Variants in LRP6 observed in about 807,000 individuals in gnomAD.
LRP6 encodes LDL receptor related protein 6.
A neutral mutation model predicts 184.1 loss-of-function variants in LRP6; 43 were observed. The observed-to-expected ratio is 0.23, with a 90% CI of 0.18 to 0.30. The LOEUF is 0.30. Ranked by LOEUF, LRP6 falls within the 10% of genes least tolerant of loss-of-function variation. The probability of loss-of-function intolerance (pLI) is 1.00; values close to 1 mark genes in which losing one functional copy is unlikely to be tolerated. For synonymous variants in LRP6, 719 were observed against 684.9 expected (o/e 1.05, Z -0.78); for missense variants, 1,571 against 2,005.3 (o/e 0.78, Z 4.14).
At chr12:12,127,457 T>C (rs1276173582) in intron 19 of LRP6, among the ~76,000 whole-genome samples, 1 of 152,216 alleles carries the variant, frequency 6.6e-6, no homozygotes, top group Non-Finnish European at 1.5e-5. Context: ...GAATGAAAAC[T>C]GGAAGCTAAA....
At position 12,266,953 on chromosome 12, in the gene LRP6, T is replaced by A. The variant is rs1836917702; in HGVS notation, c.-218A>T. The A allele has an allele frequency of 3.6e-6, 2 of 558,496 alleles. No homozygotes were observed. The highest frequency in any genetic ancestry group is 4.4e-5 in the South Asian group (2 of 45,246). The allele number at this position is 558,496 out of a possible 1,614,324, so 34.6% of individuals were successfully genotyped here. A position where few individuals can be genotyped will look rare whatever the true frequency, so the allele number is the denominator to read the frequency against. On this transcript the variant is annotated 5_prime_UTR_variant, in exon 1 of 23. It introduces an in-frame stop codon into an upstream open reading frame of the 5' UTR. Transcript: ENST00000261349. ...CCCGGGCTCGCGCGACGCCAGCGTC[T>A]GCTTCCATCCCGCCGCCTCCTCCCC... is the stretch of plus-strand genomic sequence containing the variant.
At chr12:12,209,175 A>G (rs1864143105) in intron 2 of LRP6, among the ~76,000 whole-genome samples, 2 of 152,236 alleles carry the variant, frequency 1.3e-5, no homozygotes, top group Non-Finnish European at 2.9e-5. Flanking sequence ...TGCACACTAT[A>G]AAGACAGAAA....
intron 7 of LRP6, among the ~76,000 whole-genome samples, chr12:12,172,928 C>T (rs1158671727): frequency 6.6e-6 from 1 of 152,118 alleles, no homozygotes. Context: ...TAACCTACTT[C>T]AAGATACATT....
At chr12:12,123,726 C>T (rs1313508798) in intron 22 of LRP6, among the ~76,000 whole-genome samples, 1 of 152,046 alleles carries the variant, frequency 6.6e-6, no homozygotes, top group Non-Finnish European at 1.5e-5. Context: ...CATAAATTAG[C>T]AAAAAGGAAT....
rs759665763 is a variant in LRP6 at position 12,138,553 on chromosome 12, T to C, written c.3398-19A>G. On this transcript the variant is annotated intron_variant, in intron 15 of 22. Transcript: ENST00000261349. ...TTAGCACCTTGGAAAAGGAGAAAAT[T>C]CAACAGAAATGACTCATGTGGGTCA... 1.3e-6 allele frequency: 2 copies of C among 1,597,956 alleles called. No individual in the cohort carries two copies. The highest frequency in any genetic ancestry group is 4.5e-5 in the East Asian group (2 of 44,774).
At chr12:12,240,840 C>T (rs1001883757) in intron 2 of LRP6, among the ~76,000 whole-genome samples, 3 of 152,248 alleles carry the variant, frequency 2.0e-5, no homozygotes, top group Non-Finnish European at 4.4e-5. Flanking sequence ...GCATTAGGAG[C>T]AGCCACATAG....
intron 2 of LRP6, among the ~76,000 whole-genome samples, chr12:12,229,305 G>A (rs1161908176): frequency 6.6e-6 from 1 of 151,222 alleles, no homozygotes; most frequent in Non-Finnish European, 1.5e-5. Flanking sequence ...GCAAGGCGGA[G>A]GTTGCTGTGA....
At chr12:12,255,566 CTT>C (rs749441005) in intron 1 of LRP6, among the ~76,000 whole-genome samples, 15 of 114,140 alleles carry the variant, frequency 1.3e-4, no homozygotes, top group African/African-American at 2.8e-4. Flanking sequence ...GGTTTGGTCA[CTT>C]TTTTTTTTTT....
intron 2 of LRP6, among the ~76,000 whole-genome samples, chr12:12,232,500 C>T (rs1053658866): frequency 2.7e-5 from 4 of 149,868 alleles, no homozygotes; most frequent in Non-Finnish European, 5.9e-5. Flanking sequence ...TTCTCAAGGA[C>T]AGCCTCTCTG....
At chr12:12,194,781 TAC>T (rs1354086809) in intron 3 of LRP6, among the ~76,000 whole-genome samples, 1 of 152,132 alleles carries the variant, frequency 6.6e-6, no homozygotes, top group Non-Finnish European at 1.5e-5. Context: ...ACCTATTAAG[TAC>T]AGTCATCCTA....
chr12:12,205,829 T>G (rs1270453144), intron 2 of LRP6, among the ~76,000 whole-genome samples: 1 of 152,178 alleles, frequency 6.6e-6, no homozygotes, highest in African/African-American at 2.4e-5. Flanking sequence ...CTCCCTAGAT[T>G]GGGGACAACA....
rs150929440 is a variant in LRP6 at position 12,184,704 on chromosome 12, A to C, written c.845-593T>G. On this transcript the variant is annotated intron_variant, in intron 4 of 22. Transcript: ENST00000261349. ...AAGCTGAATGAATACAAAGAATGGG[A>C]ATAGATTAAAGTGAAGGACACTGAA... Among the ~76,000 whole-genome samples the C allele has an allele frequency of 2.3e-3, 354 of 152,306 alleles. 1 individual carries two copies. Among genetic ancestry groups the C allele is most frequent in the African/African-American group, 8.3e-3 (343 of 41,574 alleles).
chr12:12,210,730 G>T (rs1042188980), intron 2 of LRP6, among the ~76,000 whole-genome samples: 2 of 152,278 alleles, frequency 1.3e-5, no homozygotes, highest in East Asian at 3.9e-4. Flanking sequence ...TTTATTTTGG[G>T]GGAAACTTCA....
At chr12:12,264,829 G>T (rs998140609) in intron 1 of LRP6, among the ~76,000 whole-genome samples, 1 of 152,034 alleles carries the variant, frequency 6.6e-6, no homozygotes, top group Non-Finnish European at 1.5e-5. Flanking sequence ...ACCATATTTC[G>T]CCACATTTAA....
chr12:12,249,153 G>GCA, intron 1 of LRP6: 1 of 712,312 alleles, frequency 1.4e-6, no homozygotes, highest in Non-Finnish European at 2.5e-6. Context: ...AATTGGGCCT[G>GCA]CAAGAACAAT....
At chr12:12,262,948 C>A in intron 1 of LRP6, among the ~76,000 whole-genome samples, 1 of 152,116 alleles carries the variant, frequency 6.6e-6, no homozygotes, top group East Asian at 1.9e-4. Flanking sequence ...AGATCCCTTT[C>A]ACTTTTAAGA....
intron 1 of LRP6, chr12:12,249,359 T>C: frequency 9.4e-7 from 1 of 1,060,454 alleles, no homozygotes; most frequent in Non-Finnish European, 1.5e-6. Context: ...GCAAGAGCTT[T>C]GGCGCCTAAT....
rs1397637352 is a variant in LRP6 at position 12,261,210 on chromosome 12, G to C, written c.55+5471C>G. The stretch of plus-strand genomic sequence containing the variant: ...CCGAGGCGGGCGGATCACGAGATCA[G>C]GAGATCGAGACCATCCTGGCTAACA... On this transcript the variant is annotated intron_variant, in intron 1 of 22. Coordinates refer to ENST00000261349, the MANE Select transcript of LRP6 (RefSeq NM_002336.3). Among the ~76,000 whole-genome samples the C allele has an allele frequency of 2.0e-5, 3 of 152,110 alleles. No homozygotes were observed. In the East Asian group the frequency reaches 5.8e-4, roughly 29 times the overall value.
At position 12,179,405 on chromosome 12, in the gene LRP6, G is replaced by GATATAGATATAGATATAGAT. The variant is rs201731579; in HGVS notation, c.1545+404_1545+405insATCTATATCTATATCTATAT. 8.6e-3 allele frequency among the ~76,000 whole-genome samples: 1,215 copies of GATATAGATATAGATATAGAT among 140,966 alleles called. 7 individuals carry two copies. The highest frequency in any genetic ancestry group is 0.03 in the African/African-American group (1,168 of 39,068). The allele number at this position is 140,966 out of a possible 152,430, so 92.5% of individuals were successfully genotyped here. Reference sequence around the variant, plus strand: ...AGATATAGATATAGATATAGATATAGATATAGATATAGATATACACATACA... The same window carrying GATATAGATATAGATATAGAT: ...AGATATAGATATAGATATAGATATAGATATAGATATAGATATAGATATATAGATATAGATATACACATACA... On this transcript the variant is annotated intron_variant, in intron 7 of 22. Coordinates refer to ENST00000261349, the MANE Select transcript of LRP6 (RefSeq NM_002336.3).
Sources: gnomAD v4.1 joint callset for allele counts (sites outside exome capture counted in the v4.1 genomes callset) on GRCh38, gnomAD v4.1.1 for gene constraint, MANE v1.5 for transcripts, NCBI Gene and HGNC (gene_info 2026-07-23, HGNC 2026-07-21) for gene names.